Variants in FAM178B observed in about 807,000 individuals in gnomAD.
The protein encoded by FAM178B is family with sequence similarity 178 member B.
A neutral mutation model predicts 91.7 loss-of-function variants in FAM178B; 82 were observed. That is an observed-to-expected ratio of 0.89 (90% CI 0.75 to 1.07). FAM178B has a LOEUF of 1.07. Ranked by LOEUF, FAM178B falls within the 50% of genes least tolerant of loss-of-function variation. The pLI, the probability that FAM178B is intolerant of heterozygous loss-of-function variation, is 0.00. For missense variants in FAM178B, 769 were observed against 846.7 expected (o/e 0.91, Z 1.14); for synonymous variants, 368 against 359.4 (o/e 1.02, Z -0.27).
intron 8 of FAM178B, among the ~76,000 whole-genome samples, chr2:96,940,577 A>G (rs2081712180): frequency 6.6e-6 from 1 of 152,246 alleles, no homozygotes; most frequent in Admixed American, 6.5e-5. Flanking sequence ...TACCTACTGC[A>G]TAATTCCATT....
At chr2:96,950,044 G>A (rs1462479475) in intron 7 of FAM178B, 14 of 985,672 alleles carry the variant, frequency 1.4e-5, no homozygotes, top group South Asian at 1.4e-4. Flanking sequence ...TGATGGAGAC[G>A]GGGAAAGAGG....
At chr2:96,894,701 C>A (rs1431205292) in intron 13 of FAM178B, among the ~76,000 whole-genome samples, 1 of 90,320 alleles carries the variant, frequency 1.1e-5, no homozygotes, top group Non-Finnish European at 2.2e-5. Context: ...CCCCATCTAC[C>A]TACCCACTCA....
At position 96,976,862 on chromosome 2, in the gene FAM178B, A is replaced by G. The variant is rs544482499; in HGVS notation, c.74-4256T>C. 2.0e-5 allele frequency among the ~76,000 whole-genome samples: 3 copies of G among 151,694 alleles called. No individual in the cohort carries two copies. The East Asian group carries it at 5.8e-4, about 30-fold the overall frequency. ...GACTCATTTTCAAAAAATAAATAAA[A>G]TAAAATAAAATAAATAAACACATAA... On this transcript the variant is annotated intron_variant, in intron 1 of 16. Coordinates refer to ENST00000490605, the MANE Select transcript of FAM178B (RefSeq NM_001122646.3).
At chr2:96,948,033 G>T in intron 7 of FAM178B, 131 bp from the exon 8 acceptor site, 1 of 605,682 alleles carries the variant, frequency 1.7e-6, no homozygotes, top group East Asian at 2.8e-5. Context: ...TGTGGTAGAA[G>T]GACATTGTCA....
chr2:96,970,465 G>T (rs767134886), intron 4 of FAM178B, among the ~76,000 whole-genome samples: 2 of 152,212 alleles, frequency 1.3e-5, no homozygotes, highest in Non-Finnish European at 2.9e-5. Context: ...CAGGAGTTGG[G>T]CAGAATGGAG....
intron 9 of FAM178B, among the ~76,000 whole-genome samples, chr2:96,925,875 T>C (rs2081429105): frequency 6.6e-6 from 1 of 152,252 alleles, no homozygotes; most frequent in African/African-American, 2.4e-5. Flanking sequence ...AGGTACAGTG[T>C]ATGAGCACCA....
chr2:96,889,400 C>G (rs1559052230), intron 14 of FAM178B, among the ~76,000 whole-genome samples: 1 of 152,034 alleles, frequency 6.6e-6, no homozygotes, highest in Non-Finnish European at 1.5e-5. Flanking sequence ...ATCAGTAGGC[C>G]CGGTGCGGTG....
At chr2:96,940,696 A>G (rs943341105) in intron 8 of FAM178B, among the ~76,000 whole-genome samples, 9 of 152,104 alleles carry the variant, frequency 5.9e-5, no homozygotes, top group Non-Finnish European at 1.2e-4. Context: ...GCATAGGGAA[A>G]CTTTTGGGGG....
At chr2:96,900,454 A>G (rs1410195940) in intron 13 of FAM178B, among the ~76,000 whole-genome samples, 1 of 152,124 alleles carries the variant, frequency 6.6e-6, no homozygotes, top group African/African-American at 2.4e-5. Context: ...CCAGGTGCCG[A>G]GGGGCAGCAG....
intron 2 of FAM178B, 63 bp downstream of exon 2, chr2:96,972,475 C>A: frequency 6.5e-7 from 1 of 1,531,556 alleles, no homozygotes; most frequent in Non-Finnish European, 8.9e-7. Flanking sequence ...GCCATGGGCT[C>A]TCCACTTCCT....
At position 96,929,116 on chromosome 2, in the gene FAM178B, C is replaced by A. The variant is rs1259704280; in HGVS notation, c.1193+90G>T. 5.5e-6 allele frequency: 5 copies of A among 915,670 alleles called. No homozygotes were observed. In the African/African-American group the frequency reaches 6.6e-5, roughly 12 times the overall value. 56.7% of individuals were successfully genotyped at this position (915,670 alleles called of 1,614,324 possible). Reference sequence around the variant, plus strand: ...GAGGCCGCAGTGAGCTATGATTATACCCCTGTATTCCAGTTCTGAGTGACA... The same window carrying A: ...GAGGCCGCAGTGAGCTATGATTATAACCCTGTATTCCAGTTCTGAGTGACA... On this transcript the variant is annotated intron_variant, in intron 9 of 16. Coordinates refer to ENST00000490605, the MANE Select transcript of FAM178B (RefSeq NM_001122646.3).
chr2:96,880,698 C>T (rs534868408), intron 14 of FAM178B, among the ~76,000 whole-genome samples: 14 of 152,282 alleles, frequency 9.2e-5, no homozygotes, highest in Admixed American at 3.9e-4. Flanking sequence ...GGGCTCACGC[C>T]GTTGTCCTGC....
intron 12 of FAM178B, among the ~76,000 whole-genome samples, chr2:96,919,039 G>A (rs930082789): frequency 3.3e-5 from 5 of 152,146 alleles, no homozygotes; most frequent in Non-Finnish European, 5.9e-5. Flanking sequence ...CAAGCAGCTC[G>A]GTTTTTGGAG....
intron 4 of FAM178B, 105 bp downstream of exon 4, chr2:96,970,611 G>C: frequency 1.2e-6 from 1 of 855,672 alleles, no homozygotes; most frequent in Admixed American, 2.1e-5. Flanking sequence ...GGCTGAGTCT[G>C]GGTGGGAGGC....
intron 12 of FAM178B, among the ~76,000 whole-genome samples, chr2:96,905,451 G>A (rs1265602221): frequency 1.3e-5 from 2 of 151,458 alleles, no homozygotes; most frequent in Non-Finnish European, 2.9e-5. Context: ...CTAGCTACTC[G>A]GGAGGCTGAG....
At chr2:96,955,336 C>T (rs1332658863) in intron 6 of FAM178B, among the ~76,000 whole-genome samples, 1 of 152,114 alleles carries the variant, frequency 6.6e-6, no homozygotes, top group African/African-American at 2.4e-5. Context: ...CAGTGAAACC[C>T]CGTCTCTACT....
At chr2:96,890,032 T>C (rs2080632694) in intron 14 of FAM178B, among the ~76,000 whole-genome samples, 2 of 151,032 alleles carry the variant, frequency 1.3e-5, no homozygotes, top group Non-Finnish European at 2.9e-5. Flanking sequence ...TCCTAGCACT[T>C]TGGGAGGCCG....
Position 96,902,607 on chromosome 2 carries a change from A to G in FAM178B, c.1650+13T>C. ...CCATGGCCTTCCTGCCCAGGCCTGA[A>G]GCAAACACTCACCTGGGTCTTCTCT... is the stretch of plus-strand genomic sequence containing the variant. On this transcript the variant is annotated intron_variant, in intron 13 of 16. Coordinates refer to ENST00000490605, the MANE Select transcript of FAM178B (RefSeq NM_001122646.3). 6.5e-7 allele frequency: 1 copy of G among 1,544,814 alleles called. No individual in the cohort carries two copies. The highest frequency in any genetic ancestry group is 8.8e-7 in the Non-Finnish European group (1 of 1,141,248).
chr2:96,929,456 C>T, intron 8 of FAM178B, 136 bp from the exon 9 acceptor site: 1 of 658,740 alleles, frequency 1.5e-6, no homozygotes, highest in African/African-American at 1.9e-5. Context: ...CAGGTGTTAT[C>T]TGGGGAAATG....
Sources: allele counts gnomAD v4.1 joint callset (sites outside exome capture counted in the v4.1 genomes callset), GRCh38; gene constraint gnomAD v4.1.1; transcripts MANE v1.5; gene names NCBI Gene and HGNC (gene_info 2026-07-23, HGNC 2026-07-21).